Variants in C2CD5 observed in about 807,000 individuals in gnomAD.
C2CD5 encodes the protein C2 domain-containing protein 5.
In C2CD5, 109 loss-of-function variants were observed where a neutral mutation model predicts 130.3. The ratio of observed to expected loss-of-function variants is 0.84; its 90% CI spans 0.72 to 0.98. The LOEUF is 0.98. Ranked by LOEUF, C2CD5 falls within the 50% of genes least tolerant of loss-of-function variation. The pLI, the probability that C2CD5 is intolerant of heterozygous loss-of-function variation, is 0.00. For missense variants in C2CD5, 996 were observed against 1,261.8 expected (o/e 0.79, Z 3.19); for synonymous variants, 454 against 429.2 (o/e 1.06, Z -0.71).
chr12:22,484,722 C>G lies in C2CD5; in HGVS notation c.1525G>C (p.Gly509Arg), dbSNP rs769630461. 6.3e-7 allele frequency: 1 copy of G among 1,589,976 alleles called. No individual in the cohort carries two copies. Residue 509 changes from glycine to arginine, a missense_variant, in exon 13 of 27, where the codon GGA (glycine) becomes CGA (arginine). Transcript: ENST00000446597. The stretch of plus-strand genomic sequence containing the variant: ...CTTGCTTGAATAAGACAACCTTTTC[C>G]AATAACTGTTGCATCTGTTGGGAGG... Reference protein sequence around the residue: ...IDLPTDATVIGKGCLIQARLC... With the variant: ...IDLPTDATVIRKGCLIQARLC...
intron 12 of C2CD5, among the ~76,000 whole-genome samples, chr12:22,485,203 T>A (rs991769309): frequency 6.6e-6 from 1 of 152,054 alleles, no homozygotes; most frequent in Non-Finnish European, 1.5e-5. Flanking sequence ...ACAACATTTT[T>A]AAAAAATGGT....
chr12:22,489,677 ATATAT>A (rs1946085788), intron 12 of C2CD5, among the ~76,000 whole-genome samples: 3 of 152,250 alleles, frequency 2.0e-5, no homozygotes, highest in Admixed American at 6.5e-5. Context: ...GAAGGACCAT[ATATAT>A]TATATCTACA....
intron 20 of C2CD5, 124 bp from the exon 21 acceptor site, chr12:22,471,035 C>A (rs1942938474): frequency 3.2e-6 from 2 of 633,124 alleles, no homozygotes; most frequent in Admixed American, 2.9e-5. Flanking sequence ...AAATCCTCAA[C>A]CAGAATTATG....
Position 22,474,832 on chromosome 12 carries a change from A to G in C2CD5, c.1962T>C (p.Leu654=). 6.2e-7 allele frequency: 1 copy of G among 1,609,562 alleles called. No homozygotes were observed. Among genetic ancestry groups the G allele is most frequent in the South Asian group, 1.1e-5 (1 of 90,528 alleles). Residue 654 remains leucine (L), a synonymous_variant, in exon 16 of 27, where the codon CTT becomes CTC. Coordinates refer to ENST00000446597, the MANE Select transcript of C2CD5 (RefSeq NM_001286176.2). The stretch of plus-strand genomic sequence containing the variant: ...CCGAGCTTTCTGATTGAGATCTTAG[A>G]AGTCTTGAGCGTTGCCTAGGTTCTG... ...PIPEPRQRSR[L]LRSQSESSDE...
At chr12:22,459,378 T>C in intron 23 of C2CD5, 114 bp downstream of exon 23, 1 of 520,412 alleles carries the variant, frequency 1.9e-6, no homozygotes, top group Non-Finnish European at 3.3e-6. Flanking sequence ...AAGCCAGATT[T>C]TGGTGTCTAT....
At chr12:22,525,575 C>A (rs1304857146) in intron 5 of C2CD5, 35 bp downstream of exon 5, 1 of 943,320 alleles carries the variant, frequency 1.1e-6, no homozygotes, top group Admixed American at 1.7e-5. Flanking sequence ...ACAGTTATTA[C>A]ATTTCCTGTT....
intron 10 of C2CD5, among the ~76,000 whole-genome samples, chr12:22,505,902 C>A (rs1339171797): frequency 6.6e-6 from 1 of 152,150 alleles, no homozygotes; most frequent in African/African-American, 2.4e-5. Flanking sequence ...CTAGACAACG[C>A]CTACAATTAC....
chr12:22,457,242 T>C (rs1591926909), intron 24 of C2CD5, 81 bp from the exon 25 acceptor site: 1 of 947,048 alleles, frequency 1.1e-6, no homozygotes, highest in Non-Finnish European at 1.6e-6. Context: ...AAATAAGTGG[T>C]GACAACATTC....
intron 2 of C2CD5, among the ~76,000 whole-genome samples, chr12:22,543,446 A>G (rs1009890519): frequency 6.6e-6 from 1 of 152,254 alleles, no homozygotes; most frequent in African/African-American, 2.4e-5. Context: ...GAAGTGTTGC[A>G]GTTGTGTTTT....
At chr12:22,508,364 G>A (rs1948819855) in intron 9 of C2CD5, among the ~76,000 whole-genome samples, 1 of 152,104 alleles carries the variant, frequency 6.6e-6, no homozygotes, top group East Asian at 1.9e-4. Context: ...GAGGATGGAA[G>A]GAGAGTACGT....
intron 10 of C2CD5, among the ~76,000 whole-genome samples, chr12:22,505,636 A>G (rs1214141559): frequency 6.6e-6 from 1 of 152,174 alleles, no homozygotes; most frequent in Non-Finnish European, 1.5e-5. Context: ...AGATGCAAGA[A>G]CACATTCCAT....
intron 3 of C2CD5, among the ~76,000 whole-genome samples, chr12:22,530,097 TATATATATATATATAC>T (rs1951094646): frequency 8.9e-6 from 1 of 112,260 alleles, no homozygotes; most frequent in African/African-American, 4.0e-5. Flanking sequence ...TATATATATA[TATATATATATATATAC>T]ACACACACAC....
chr12:22,524,571 G>C lies in C2CD5; in HGVS notation c.502C>G (p.Leu168Val). 6.2e-7 allele frequency: 1 copy of C among 1,613,200 alleles called. No homozygotes were observed. Among genetic ancestry groups the C allele is most frequent in the Non-Finnish European group, 8.5e-7 (1 of 1,179,240 alleles). Residue 168 changes from leucine to valine, a missense_variant, in exon 6 of 27, where the codon CTT (leucine) becomes GTT (valine). Leu to Val is a conservative substitution (Grantham distance 32). Transcript: ENST00000446597. ...AVIIHGFVEE[L>V]VVNEDPEYQW... ...TATTCTGGGTCTTCATTGACCACAA[G>C]TTCTTCTACAAATCCATGAATTATC...
intron 16 of C2CD5, 135 bp downstream of exon 16, chr12:22,474,616 G>A (rs1943561890): frequency 5.4e-6 from 3 of 559,068 alleles, no homozygotes; most frequent in South Asian, 9.9e-5. Context: ...CAAGTTTGTT[G>A]TATTTTTATA....
chr12:22,475,261 A>G (rs1326821439), intron 15 of C2CD5, among the ~76,000 whole-genome samples: 1 of 152,170 alleles, frequency 6.6e-6, no homozygotes, highest in Non-Finnish European at 1.5e-5. Flanking sequence ...TAAAAATTTA[A>G]AGACTTATGT....
intron 12 of C2CD5, among the ~76,000 whole-genome samples, chr12:22,486,045 T>G (rs1263161004): frequency 6.6e-6 from 1 of 152,156 alleles, no homozygotes; most frequent in Non-Finnish European, 1.5e-5. Flanking sequence ...TAAGTCCTGT[T>G]AAGTCCTGGT....
chr12:22,466,878 A>G (rs920988871), intron 22 of C2CD5, among the ~76,000 whole-genome samples: 1 of 152,244 alleles, frequency 6.6e-6, no homozygotes, highest in African/African-American at 2.4e-5. Context: ...TCTGATGATG[A>G]TGATGACAAT....
chr12:22,495,666 TGAG>T (rs1946919703), intron 10 of C2CD5, among the ~76,000 whole-genome samples: 1 of 151,960 alleles, frequency 6.6e-6, no homozygotes, highest in African/African-American at 2.4e-5. Flanking sequence ...CAATTGCACA[TGAG>T]GATGCCATTA....
intron 6 of C2CD5, 75 bp from the exon 7 acceptor site, chr12:22,523,699 TAAA>T (rs377557729): frequency 3.9e-3 from 2,914 of 745,170 alleles, no homozygotes; most frequent in South Asian, 6.9e-3. Context: ...ATGGTAGTGG[TAAA>T]AAAAAAAAAA....
Sources: allele counts gnomAD v4.1 joint callset (sites outside exome capture counted in the v4.1 genomes callset), GRCh38; gene constraint gnomAD v4.1.1; transcripts MANE v1.5; gene names NCBI Gene and HGNC (gene_info 2026-07-23, HGNC 2026-07-21).